NCAM1: variants seen among roughly 807,000 people sequenced by gnomAD.
NCAM1 encodes the protein antigen recognized by monoclonal antibody 5.1H11.
A neutral mutation model predicts 109.8 loss-of-function variants in NCAM1; 14 were observed. The observed-to-expected ratio is 0.13, with a 90% confidence interval of 0.08 to 0.20. The LOEUF is 0.20. Among genes scored for constraint, NCAM1 ranks in the 10% least tolerant of loss-of-function variants. The pLI, the probability that NCAM1 is intolerant of heterozygous loss-of-function variation, is 1.00. For missense variants in NCAM1, 774 were observed against 1,109.9 expected (o/e 0.70, Z 4.30); for synonymous variants, 418 against 442.9 (o/e 0.94, Z 0.70).
intron 1 of NCAM1, among the ~76,000 whole-genome samples, chr11:113,016,694 C>T (rs1362395110): frequency 6.6e-6 from 1 of 152,124 alleles, no homozygotes; most frequent in Non-Finnish European, 1.5e-5. Context: ...AGGTCACACA[C>T]AGTGCTCAGC....
intron 9 of NCAM1, chr11:113,231,103 T>TC: frequency 8.0e-7 from 1 of 1,245,684 alleles, no homozygotes; most frequent in Middle Eastern, 1.9e-4. Flanking sequence ...ATGTGATTAT[T>TC]TCACTTTTAA....
rs80336196 is a variant in NCAM1 at position 113,046,235 on chromosome 11, T to A, written c.52+84571T>A. Among the ~76,000 whole-genome samples the A allele has an allele frequency of 1.6e-3, 243 of 152,336 alleles. 3 individuals are homozygous for A. The East Asian group carries it at 0.029, about 18-fold the overall frequency. Reference sequence around the variant, plus strand: ...TGGATCCAGTCTCAGAAGTTGGCATTAATATCACCTTGTTTCACAGTGAAA... The same window carrying A: ...TGGATCCAGTCTCAGAAGTTGGCATAAATATCACCTTGTTTCACAGTGAAA... On this transcript the variant is annotated intron_variant, in intron 1 of 19. Transcript: ENST00000316851.
intron 1 of NCAM1, among the ~76,000 whole-genome samples, chr11:113,136,922 G>A (rs1941622376): frequency 6.6e-6 from 1 of 152,198 alleles, no homozygotes; most frequent in African/African-American, 2.4e-5. Flanking sequence ...ATGGAGAGAG[G>A]ATGTGTCCAG....
rs191152329 is a variant in NCAM1, at chr11:113,066,267, A to G, written c.52+104603A>G. On this transcript the variant is annotated intron_variant, in intron 1 of 19. Coordinates refer to ENST00000316851, the MANE Select transcript of NCAM1 (RefSeq NM_181351.5). Reference sequence around the variant, plus strand: ...AATGATTCTCTAATTTTAATCTCGTAAATGTCCACATAAAGGTATTAAGAT... The same window carrying G: ...AATGATTCTCTAATTTTAATCTCGTGAATGTCCACATAAAGGTATTAAGAT... 1.2e-3 allele frequency among the ~76,000 whole-genome samples: 178 copies of G among 152,348 alleles called. 1 individual carries two copies. The highest frequency in any genetic ancestry group is 4.1e-3 in the African/African-American group (171 of 41,588).
rs556752833 is a variant in NCAM1, at chr11:113,088,394, G to A, written c.53-113985G>A. On this transcript the variant is annotated intron_variant, in intron 1 of 19. Transcript: ENST00000316851. ...ACACTCCAATGGCCATTCTGTTGTA[G>A]TCATTATAAGAAACAATCATTTACC... 3.3e-5 allele frequency among the ~76,000 whole-genome samples: 5 copies of A among 152,294 alleles called. No individual in the cohort carries two copies. In the East Asian group the frequency reaches 7.7e-4, roughly 23 times the overall value.
chr11:113,228,123 G>C (rs1193857817), intron 9 of NCAM1, among the ~76,000 whole-genome samples: 12 of 152,178 alleles, frequency 7.9e-5, no homozygotes, highest in African/African-American at 2.9e-4. Context: ...TATTCAAGTA[G>C]GAAAAGAGGA....
intron 1 of NCAM1, among the ~76,000 whole-genome samples, chr11:113,020,147 T>C (rs1480514960): frequency 6.6e-6 from 1 of 152,222 alleles, no homozygotes; most frequent in African/African-American, 2.4e-5. Flanking sequence ...GTCCCTCCCT[T>C]GTCAACAATG....
chr11:113,266,636 T>C (rs186822744), intron 17 of NCAM1, among the ~76,000 whole-genome samples: 1 of 152,156 alleles, frequency 6.6e-6, no homozygotes, highest in Non-Finnish European at 1.5e-5. Context: ...GTGATTCAGA[T>C]CCCATAAAAG....
chr11:113,141,157 G>A (rs1941804615), intron 1 of NCAM1, among the ~76,000 whole-genome samples: 2 of 152,154 alleles, frequency 1.3e-5, no homozygotes, highest in African/African-American at 4.8e-5. Flanking sequence ...CCACTTAACA[G>A]AGCTCAACTA....
intron 1 of NCAM1, among the ~76,000 whole-genome samples, chr11:113,139,950 T>G (rs1941753266): frequency 6.6e-6 from 1 of 152,236 alleles, no homozygotes; most frequent in Admixed American, 6.5e-5. Context: ...TAAAAAATTG[T>G]AACATCTTAG....
intron 1 of NCAM1, among the ~76,000 whole-genome samples, chr11:112,976,273 T>C (rs1951004929): frequency 6.6e-6 from 1 of 152,006 alleles, no homozygotes; most frequent in African/African-American, 2.4e-5. Context: ...TTATATACTC[T>C]TAACTTGCTC....
At chr11:113,160,830 C>A (rs1418153803) in intron 1 of NCAM1, among the ~76,000 whole-genome samples, 1 of 152,160 alleles carries the variant, frequency 6.6e-6, no homozygotes, top group Non-Finnish European at 1.5e-5. Context: ...AGCCCAAGCT[C>A]GCTGGACTCT....
chr11:113,238,904 C>T (rs1403830304), intron 14 of NCAM1, among the ~76,000 whole-genome samples: 6 of 152,214 alleles, frequency 3.9e-5, no homozygotes, highest in African/African-American at 9.6e-5. Context: ...GTGTTGCTGC[C>T]GGACTCCTGG....
intron 17 of NCAM1, among the ~76,000 whole-genome samples, chr11:113,262,022 G>A (rs370217947): frequency 2.6e-5 from 4 of 152,106 alleles, no homozygotes; most frequent in South Asian, 2.1e-4. Context: ...TCACCTCACC[G>A]GTGACGGCTC....
chr11:113,247,867 T>C (rs1945548495), intron 15 of NCAM1, among the ~76,000 whole-genome samples: 1 of 152,218 alleles, frequency 6.6e-6, no homozygotes, highest in Non-Finnish European at 1.5e-5. Flanking sequence ...TCCCAAAGGT[T>C]GACCATCAGC....
At chr11:113,099,201 T>C (rs1226504783) in intron 1 of NCAM1, among the ~76,000 whole-genome samples, 2 of 152,202 alleles carry the variant, frequency 1.3e-5, no homozygotes, top group East Asian at 3.8e-4. Flanking sequence ...GTAGTTTGGT[T>C]GAGGAGTCCA....
chr11:113,160,696 G>A (rs782611392), intron 1 of NCAM1, among the ~76,000 whole-genome samples: 10 of 152,172 alleles, frequency 6.6e-5, no homozygotes, highest in Admixed American at 2.6e-4. Context: ...TTCATCATGA[G>A]CACTTAAAAT....
intron 14 of NCAM1, among the ~76,000 whole-genome samples, chr11:113,237,490 G>A (rs1276773143): frequency 6.6e-6 from 1 of 152,184 alleles, no homozygotes; most frequent in Non-Finnish European, 1.5e-5. Context: ...GCTCTCGAAG[G>A]CATCAGAGTT....
chr11:113,222,384 G>A (rs1000095258), intron 9 of NCAM1, among the ~76,000 whole-genome samples: 6 of 152,222 alleles, frequency 3.9e-5, no homozygotes, highest in African/African-American at 1.4e-4. Context: ...AAAGTTGACT[G>A]CCTGTCCCCA....
Sources: gnomAD v4.1 joint callset for allele counts (sites outside exome capture counted in the v4.1 genomes callset) on GRCh38, gnomAD v4.1.1 for gene constraint, MANE v1.5 for transcripts, NCBI Gene and HGNC (gene_info 2026-07-23, HGNC 2026-07-21) for gene names.